The following PDE8B variants were observed in gnomAD, a reference collection of about 807,000 sequenced individuals.
The protein encoded by PDE8B is high affinity cAMP-specific and IBMX-insensitive 3',5'-cyclic phosphodiesterase 8B.
Under a neutral mutation model 101.3 loss-of-function variants are expected in PDE8B, and 26 were observed. That is an observed-to-expected ratio of 0.26 (90% CI 0.19 to 0.36). The LOEUF (loss-of-function observed/expected upper bound fraction) is 0.36, where lower values mean the gene tolerates loss of function less well. PDE8B is among the 10% of genes least tolerant of loss of function. The pLI is 1.00. For missense variants in PDE8B, 810 were observed against 1,163.1 expected, an observed-to-expected ratio of 0.70 and a Z score of 4.42; for synonymous variants, 424 against 429.3, an observed-to-expected ratio of 0.99 and a Z score of 0.15.
the PDE8B span, among the ~76,000 whole-genome samples, chr5:77,116,844 A>C: frequency 6.6e-6 from 1 of 151,836 alleles, no homozygotes; most frequent in African/African-American, 2.4e-5. Flanking sequence ...TCTTTATGGA[A>C]CTCTTCTCTA....
At chr5:77,110,338 T>C in the PDE8B span, among the ~76,000 whole-genome samples, 1 of 152,132 alleles carries the variant, frequency 6.6e-6, no homozygotes, top group African/African-American at 2.4e-5. Flanking sequence ...CATCAAGTAC[T>C]GTGAGATAGA....
At chr5:77,180,521 G>C in the PDE8B span, 147 of 983,246 alleles carry the variant, frequency 1.5e-4, 2 homozygotes, top group African/African-American at 2.5e-3. Flanking sequence ...CGCAGCCCTC[G>C]GCCGCCCCCT....
rs185180822 is a variant in PDE8B at position 77,234,426 on chromosome 5, C to T, written c.339+23162C>T. Among the ~76,000 whole-genome samples, 577 of 152,230 alleles carry T rather than the reference C, an allele frequency of 3.8e-3. 2 individuals are homozygous for T. Among genetic ancestry groups the T allele is most frequent in the African/African-American group, 0.013 (548 of 41,544 alleles). ...AGGGTGAGAGAAGGGGCCCTCCTCC[C>T]CTCGTTAATATCCTAGCCAACTCAT... On this transcript the variant is annotated intron_variant, in intron 1 of 21. Transcript: ENST00000264917.
the PDE8B span, chr5:77,147,966 G>GA: frequency 5.9e-5 from 9 of 152,250 alleles, no homozygotes; most frequent in South Asian, 2.1e-4. Flanking sequence ...TTAGGAGTCA[G>GA]AAAAACTGAA....
chr5:77,377,786 T>G (rs1786436091), intron 10 of PDE8B, among the ~76,000 whole-genome samples: 1 of 152,158 alleles, frequency 6.6e-6, no homozygotes, highest in African/African-American at 2.4e-5. Flanking sequence ...GCAGTGGAAG[T>G]GCAAATTTGC....
chr5:77,091,565 C>T, the PDE8B span, among the ~76,000 whole-genome samples: 1 of 152,050 alleles, frequency 6.6e-6, no homozygotes, highest in Admixed American at 6.6e-5. Context: ...TTGCTTGAAC[C>T]CGGAGGCGGA....
intron 12 of PDE8B, among the ~76,000 whole-genome samples, chr5:77,406,339 C>CT (rs1471915129): frequency 2.0e-5 from 3 of 151,982 alleles, no homozygotes; most frequent in Admixed American, 6.6e-5. Flanking sequence ...ACCAAAGATG[C>CT]TAGAGACAAG....
Position 77,425,820 on chromosome 5 carries a change from G to A in PDE8B, c.2472G>A (p.Arg824=). The A allele has an allele frequency of 6.2e-7, 1 of 1,613,132 alleles. No individual in the cohort carries two copies. The highest frequency in any genetic ancestry group is 2.2e-5 in the East Asian group (1 of 44,876). Residue 824 remains arginine, a synonymous_variant, in exon 21 of 22, where the codon CGG becomes CGA. Coordinates refer to ENST00000264917, the MANE Select transcript of PDE8B (RefSeq NM_003719.5). ...CTGTGGTGATGCCAGTGTTTGACCGGAATACCTGTAGCATCCCCAAGTCTC... is the reference window on the plus strand; with the variant it reads ...CTGTGGTGATGCCAGTGTTTGACCGAAATACCTGTAGCATCCCCAAGTCTC... ...GLPVVMPVFD[R]NTCSIPKSQI...
At chr5:77,180,283 C>G in the PDE8B span, among the ~76,000 whole-genome samples, 1 of 152,232 alleles carries the variant, frequency 6.6e-6, no homozygotes, top group African/African-American at 2.4e-5. Flanking sequence ...AGTGAAGGCG[C>G]GGAGGCTCAG....
At chr5:77,349,855 C>T (rs553364829) in intron 8 of PDE8B, among the ~76,000 whole-genome samples, 2 of 152,290 alleles carry the variant, frequency 1.3e-5, no homozygotes, top group Admixed American at 1.3e-4. Flanking sequence ...AGCAGAGTTC[C>T]ACCCAGAGAG....
In PDE8B at chr5:77,312,053, G is replaced by A. The variant is rs748973596; in HGVS notation, c.399G>A (p.Gln133=). Residue 133 remains glutamine (Q), a splice_region_variant and synonymous_variant, in exon 2 of 22, where the codon CAG becomes CAA. Coordinates refer to ENST00000264917, the MANE Select transcript of PDE8B (RefSeq NM_003719.5). ...TGAGACTGACGCAGGACCCTATTCA[G>A]GTACGCCTCCTTTACTCAGCCCTGT... ...GPMRLTQDPI[Q]VLLIFAKEDS... The A allele has an allele frequency of 1.2e-6, 2 of 1,606,974 alleles. No individual in the cohort carries two copies. Among genetic ancestry groups the A allele is most frequent in the Non-Finnish European group, 1.7e-6 (2 of 1,173,810 alleles).
chr5:77,165,503 A>G, the PDE8B span: 2 of 152,202 alleles, frequency 1.3e-5, no homozygotes, highest in Admixed American at 1.3e-4. Flanking sequence ...CTGGCATGGT[A>G]AGTGCCCTAA....
chr5:77,257,723 T>G lies in PDE8B; in HGVS notation c.339+46459T>G, dbSNP rs191386775. The stretch of plus-strand genomic sequence containing the variant: ...GCAGGATATGCAGGTTTGTTACATA[T>G]GTAAACATGTGCCATGGTGGTTTGC... On this transcript the variant is annotated intron_variant, in intron 1 of 21. Coordinates refer to ENST00000264917, the MANE Select transcript of PDE8B (RefSeq NM_003719.5). 3.5e-3 allele frequency among the ~76,000 whole-genome samples: 531 copies of G among 152,290 alleles called. 3 individuals are homozygous for G. The highest frequency in any genetic ancestry group is 0.012 in the African/African-American group (506 of 41,550).
the PDE8B span, among the ~76,000 whole-genome samples, chr5:77,098,229 A>G: frequency 5.3e-5 from 8 of 151,352 alleles, no homozygotes; most frequent in Non-Finnish European, 1.2e-4. Flanking sequence ...CCATTCCCAC[A>G]TGGTGAATTG....
intron 1 of PDE8B, among the ~76,000 whole-genome samples, chr5:77,239,415 A>G (rs926077043): frequency 1.3e-5 from 2 of 152,194 alleles, no homozygotes; most frequent in African/African-American, 2.4e-5. Flanking sequence ...ATCCATATAT[A>G]TGCAGCTTGG....
At chr5:77,207,664 G>A (rs2149357686), upstream of PDE8B, among the ~76,000 whole-genome samples, 1 of 152,286 alleles carries the variant, frequency 6.6e-6, no homozygotes, top group Middle Eastern at 3.4e-3. Flanking sequence ...AATTGGTTCA[G>A]AAATCTCTTC....
At chr5:77,288,978 C>T (rs909682914) in intron 1 of PDE8B, among the ~76,000 whole-genome samples, 1 of 152,016 alleles carries the variant, frequency 6.6e-6, no homozygotes. Context: ...GCAGCCACAA[C>T]CACATATGAG....
At chr5:77,292,643 G>C (rs949456397) in intron 1 of PDE8B, among the ~76,000 whole-genome samples, 14 of 152,124 alleles carry the variant, frequency 9.2e-5, no homozygotes, top group African/African-American at 3.4e-4. Context: ...TTGCTGCCTG[G>C]TTTTACAGCC....
At chr5:77,154,307 T>A in the PDE8B span, among the ~76,000 whole-genome samples, 4 of 152,370 alleles carry the variant, frequency 2.6e-5, no homozygotes, top group South Asian at 8.3e-4. Flanking sequence ...TTCCTGTCTT[T>A]CCTTTTCTAG....
Sources: allele counts gnomAD v4.1 joint callset (sites outside exome capture counted in the v4.1 genomes callset), GRCh38; gene constraint gnomAD v4.1.1; transcripts MANE v1.5; gene names NCBI Gene and HGNC (gene_info 2026-07-23, HGNC 2026-07-21).